PRKAR2B: variants seen among roughly 807,000 people sequenced by gnomAD.
PRKAR2B encodes protein kinase cAMP-dependent type II regulatory subunit beta.
Under a neutral mutation model 49.9 loss-of-function variants are expected in PRKAR2B, and 14 were observed. That is an observed-to-expected ratio of 0.28 (90% CI 0.19 to 0.44). The LOEUF is 0.44. Ranked by LOEUF, PRKAR2B falls within the 20% of genes least tolerant of loss-of-function variation. The pLI, the probability that PRKAR2B is intolerant of heterozygous loss-of-function variation, is 1.00. For missense variants in PRKAR2B, 393 were observed against 537.9 expected (o/e 0.73, Z 2.67); for synonymous variants, 196 against 197.7 (o/e 0.99, Z 0.07).
intron 5 of PRKAR2B, among the ~76,000 whole-genome samples, chr7:107,142,325 A>G (rs189927915): frequency 6.6e-6 from 1 of 152,278 alleles, no homozygotes; most frequent in East Asian, 1.9e-4. Flanking sequence ...TGGCTGAAGC[A>G]CTAGCCAGGA....
intron 9 of PRKAR2B, 39 bp from the exon 10 acceptor site, chr7:107,157,147 A>C: frequency 6.2e-7 from 1 of 1,607,724 alleles, no homozygotes; most frequent in Non-Finnish European, 8.5e-7. Flanking sequence ...TATTTTTCAT[A>C]AGCTGAGGAA....
Position 107,140,889 on chromosome 7 carries a change from G to A in PRKAR2B, c.523G>A (p.Val175Ile). The change falls in exon 5 of 11, where the codon GTC becomes ATC. Residue 175 changes from valine to isoleucine, a missense_variant. Physicochemically the swap from Val to Ile is conservative, Grantham distance 29. Around this residue, in one of 2 missense-constraint regions of PRKAR2B, gnomAD observed 233 missense variants for 390.4 expected, o/e 0.60. Coordinates refer to ENST00000265717, the MANE Select transcript of PRKAR2B (RefSeq NM_002736.3). ...QVLDAMFEKLVKDGEHVIDQG... is the reference protein window; with the variant it reads ...QVLDAMFEKLIKDGEHVIDQG... The stretch of plus-strand genomic sequence containing the variant: ...ATTAGATGCCATGTTTGAAAAATTG[G>A]TCAAAGATGGGGAGCATGTAATTGA... 1 of 1,612,566 alleles carries A rather than the reference G, an allele frequency of 6.2e-7. No individual in the cohort carries two copies. Among genetic ancestry groups the A allele is most frequent in the Non-Finnish European group, 8.5e-7 (1 of 1,179,174 alleles).
intron 2 of PRKAR2B, among the ~76,000 whole-genome samples, chr7:107,076,879 G>T (rs1443262716): frequency 2.0e-5 from 3 of 152,188 alleles, no homozygotes; most frequent in Non-Finnish European, 4.4e-5. Flanking sequence ...GAACAGAAAT[G>T]ATTATTCCCC....
chr7:107,093,627 C>T (rs1180914432), intron 2 of PRKAR2B, among the ~76,000 whole-genome samples: 1 of 151,730 alleles, frequency 6.6e-6, no homozygotes, highest in Non-Finnish European at 1.5e-5. Context: ...TCATCATTTA[C>T]ATTAGGTATA....
At chr7:107,137,338 T>A (rs1332838933) in intron 4 of PRKAR2B, among the ~76,000 whole-genome samples, 2 of 152,202 alleles carry the variant, frequency 1.3e-5, no homozygotes, top group Non-Finnish European at 2.9e-5. Flanking sequence ...ATTTCTTGAT[T>A]ACCCTTCTTT....
chr7:107,053,667 C>T (rs992700398), intron 1 of PRKAR2B, among the ~76,000 whole-genome samples: 40 of 151,694 alleles, frequency 2.6e-4, no homozygotes, highest in Admixed American at 2.0e-4. Flanking sequence ...AGTAAAACTA[C>T]GTTACCTGAA....
At chr7:107,075,860 TG>T (rs1398186177) in intron 2 of PRKAR2B, among the ~76,000 whole-genome samples, 1 of 152,188 alleles carries the variant, frequency 6.6e-6, no homozygotes, top group East Asian at 1.9e-4. Context: ...TCCTTTAATA[TG>T]GGCATCTTTT....
At chr7:107,065,513 T>C (rs1794121565) in intron 1 of PRKAR2B, among the ~76,000 whole-genome samples, 1 of 152,152 alleles carries the variant, frequency 6.6e-6, no homozygotes, top group Non-Finnish European at 1.5e-5. Context: ...GGTTTTTTAG[T>C]CTTCTACTGG....
intron 2 of PRKAR2B, among the ~76,000 whole-genome samples, chr7:107,075,447 T>C (rs1794378753): frequency 6.6e-6 from 1 of 151,554 alleles, no homozygotes; most frequent in African/African-American, 2.4e-5. Context: ...TCACCCAGGC[T>C]GTAGTGCAGT....
In PRKAR2B at chr7:107,070,733, T is replaced by G. The variant is rs547453790; in HGVS notation, c.343+417T>G. On this transcript the variant is annotated intron_variant, in intron 2 of 10. Transcript: ENST00000265717. ...AACAGTGATAATTGAGTGAGTGTTT[T>G]TTTGTTTGTTTGTTTGTTTGTTTTC... Among the ~76,000 whole-genome samples the G allele has an allele frequency of 1.7e-4, 26 of 152,262 alleles. 1 individual carries two copies. In the South Asian group the frequency reaches 2.7e-3, roughly 16 times the overall value.
chr7:107,130,269 G>T (rs2115610066), intron 4 of PRKAR2B, among the ~76,000 whole-genome samples: 1 of 152,262 alleles, frequency 6.6e-6, no homozygotes, highest in South Asian at 2.1e-4. Context: ...GGAGGCCGAG[G>T]TGGGTGGATC....
rs1441316497 is a variant in PRKAR2B at position 107,146,413 on chromosome 7, C to T, written c.693C>T (p.Pro231=). 1.9e-6 allele frequency: 3 copies of T among 1,614,190 alleles called. No homozygotes were observed. In the Admixed American group the frequency reaches 5.0e-5, roughly 27 times the overall value. Residue 231 remains proline (P), a synonymous_variant, in exon 6 of 11, where the codon CCC becomes CCT. Coordinates refer to ENST00000265717, the MANE Select transcript of PRKAR2B (RefSeq NM_002736.3). ...FGELALMYNT[P]RAATITATSP... ...AACTGGCCTTAATGTACAATACACCCAGAGCAGCTACAATCACTGCTACCT... is the reference window on the plus strand; with the variant it reads ...AACTGGCCTTAATGTACAATACACCTAGAGCAGCTACAATCACTGCTACCT...
intron 2 of PRKAR2B, among the ~76,000 whole-genome samples, chr7:107,087,499 T>C (rs1794643670): frequency 6.6e-6 from 1 of 152,202 alleles, no homozygotes. Flanking sequence ...TTACATGTAT[T>C]AAATCATTTT....
chr7:107,081,403 C>A (rs1001423202), intron 2 of PRKAR2B, among the ~76,000 whole-genome samples: 15 of 124,750 alleles, frequency 1.2e-4, no homozygotes, highest in African/African-American at 4.5e-4. Context: ...TGCAGTCCCT[C>A]CCACCCCCAC....
chr7:107,136,156 A>C (rs1795698581), intron 4 of PRKAR2B, among the ~76,000 whole-genome samples: 1 of 152,210 alleles, frequency 6.6e-6, no homozygotes, highest in African/African-American at 2.4e-5. Flanking sequence ...TGGACATTTT[A>C]TTTTTCACAA....
intron 2 of PRKAR2B, among the ~76,000 whole-genome samples, chr7:107,082,630 C>T (rs1335220291): frequency 6.6e-6 from 1 of 152,128 alleles, no homozygotes; most frequent in African/African-American, 2.4e-5. Context: ...GAGTCTCGCT[C>T]TGTCGCCCAG....
intron 4 of PRKAR2B, chr7:107,128,919 A>G (rs550440683): frequency 6.6e-6 from 1 of 151,740 alleles, no homozygotes; most frequent in African/African-American, 2.4e-5. Context: ...TGTGATGTAC[A>G]TATTCTGCTT....
chr7:107,121,756 C>A (rs1795393266), intron 2 of PRKAR2B, among the ~76,000 whole-genome samples, 196 bp from the exon 3 acceptor site: 1 of 152,090 alleles, frequency 6.6e-6, no homozygotes, highest in Non-Finnish European at 1.5e-5. Context: ...CCCTAAAATA[C>A]AGCTTTATTT....
intron 9 of PRKAR2B, 32 bp downstream of exon 9, chr7:107,157,081 C>T: frequency 1.2e-6 from 2 of 1,607,336 alleles, no homozygotes; most frequent in Non-Finnish European, 1.7e-6. Context: ...AACCCACATA[C>T]TGTTAGCAAG....
Sources: gnomAD v4.1 joint callset for allele counts (sites outside exome capture counted in the v4.1 genomes callset) on GRCh38, gnomAD v4.1.1 for gene constraint, gnomAD v4.1.1 regional missense constraint, MANE v1.5 for transcripts, NCBI Gene and HGNC (gene_info 2026-07-23, HGNC 2026-07-21) for gene names.